The following LRRC45 variants were observed in gnomAD, a reference collection of about 807,000 sequenced individuals.
The protein encoded by LRRC45 is leucine rich repeat containing 45.
Under a neutral mutation model 85.4 loss-of-function variants are expected in LRRC45, and 73 were observed. That is an observed-to-expected ratio of 0.85 (90% CI 0.71 to 1.04). The LOEUF (loss-of-function observed/expected upper bound fraction) is 1.04. Among genes scored for constraint, LRRC45 ranks in the 50% least tolerant of loss-of-function variants. The probability of loss-of-function intolerance (pLI) is 0.00; values close to 1 mark genes in which losing one functional copy is unlikely to be tolerated. For missense variants in LRRC45, 937 were observed against 883.3 expected (o/e 1.06, Z -0.77); for synonymous variants, 429 against 386.0 (o/e 1.11, Z -1.31).
In LRRC45 at chr17:82,028,064, TG is replaced by T; in HGVS notation, c.970del (p.Glu324SerfsTer11). On this transcript the variant is annotated frameshift_variant, in exon 9 of 17. Transcript: ENST00000306688. LOFTEE classifies it high-confidence loss of function. ...LALSEQKAQD[L>X]GELLATAEQE... Reference sequence around the variant, plus strand: ...CTGTCGGAGCAGAAGGCCCAGGACCTGGGGGAGCTCCTGGCCACAGCGGAGC... The same window carrying T: ...CTGTCGGAGCAGAAGGCCCAGGACCTGGGGAGCTCCTGGCCACAGCGGAGC... The T allele has an allele frequency of 6.2e-7, 1 of 1,601,892 alleles. No homozygotes were observed. The highest frequency in any genetic ancestry group is 8.5e-7 in the Non-Finnish European group (1 of 1,175,924).
Position 82,030,624 on chromosome 17 carries a change from A to G in LRRC45, c.1832A>G (p.His611Arg). ...ERQLKVMASD[H>R]REALLDRESE... ...TGCCCTGCAGTGATGGCGAGCGACC[A>G]CCGAGAGGCGCTGCTGGACAGGGAG... The change falls in exon 17 of 17, where the codon CAC becomes CGC. Residue 611 changes from histidine (H) to arginine (R), a missense_variant. His to Arg is a conservative substitution (Grantham distance 29). Coordinates refer to ENST00000306688, the MANE Select transcript of LRRC45 (RefSeq NM_144999.4). 1 of 1,400,342 alleles carries G rather than the reference A, an allele frequency of 7.1e-7. No homozygotes were observed. The highest frequency in any genetic ancestry group is 9.3e-7 in the Non-Finnish European group (1 of 1,079,628). 86.7% of individuals were successfully genotyped at this position (1,400,342 alleles called of 1,614,324 possible).
chr17:82,025,406 TG>T lies in LRRC45; in HGVS notation c.566del (p.Gly189AlafsTer5). The T allele has an allele frequency of 1.3e-6, 2 of 1,597,130 alleles. No homozygotes were observed. The highest frequency in any genetic ancestry group is 1.7e-6 in the Non-Finnish European group (2 of 1,171,338). On this transcript the variant is annotated frameshift_variant, in exon 5 of 17. Coordinates refer to ENST00000306688, the MANE Select transcript of LRRC45 (RefSeq NM_144999.4). LOFTEE classifies it high-confidence loss of function. ...CTGCGCTGGAATAACGTTGGCCTCC[TG>T]GGGGGCCGGGCCCTCATGAACTGTC... ...LDLRWNNVGLLGGRALMNCLP... is the reference protein window; with the variant it reads ...LDLRWNNVGLXGGRALMNCLP...
rs146461368 is a variant in LRRC45, at chr17:82,026,893, C to G, written c.662-6C>G. 34 of 1,597,760 alleles carry G rather than the reference C, an allele frequency of 2.1e-5. No individual in the cohort carries two copies. In the East Asian group the frequency reaches 7.4e-4, roughly 35 times the overall value. On this transcript the variant is annotated splice_polypyrimidine_tract_variant and splice_region_variant and intron_variant, in intron 5 of 16. Coordinates refer to ENST00000306688, the MANE Select transcript of LRRC45 (RefSeq NM_144999.4). ...CTGTGCCCAGCTGACACAGCTCCTT[C>G]TGCAGAGCAAGCCATGGGCCACAGC...
chr17:82,024,019 G>A, intron 1 of LRRC45, 156 bp downstream of exon 1: 2 of 747,082 alleles, frequency 2.7e-6, no homozygotes, highest in Admixed American at 2.8e-5. Context: ...GTAGAGGGCA[G>A]TTCCTCTGTA....
rs954064759 is a variant in LRRC45 at position 82,023,752 on chromosome 17, C to T, written c.109C>T (p.Leu37=). ...CCAGCTTCCCAGGGGCCGGCTGGACCTGGCCACGCAAAGCCTGACGGTGGA... is the reference window on the plus strand; with the variant it reads ...CCAGCTTCCCAGGGGCCGGCTGGACTTGGCCACGCAAAGCCTGACGGTGGA... ...LHQLPRGRLD[L]ATQSLTVETC... Residue 37 remains leucine (L), a synonymous_variant, in exon 1 of 17, where the codon CTG becomes TTG. Coordinates refer to ENST00000306688, the MANE Select transcript of LRRC45 (RefSeq NM_144999.4). 1 of 1,555,658 alleles carries T rather than the reference C, an allele frequency of 6.4e-7. No homozygotes were observed. The highest frequency in any genetic ancestry group is 1.4e-5 in the African/African-American group (1 of 73,956).
intron 13 of LRRC45, 119 bp from the exon 14 acceptor site, chr17:82,029,423 TG>T: frequency 8.6e-7 from 1 of 1,161,540 alleles, no homozygotes; most frequent in Non-Finnish European, 1.2e-6. Flanking sequence ...AGCAGCTGCG[TG>T]GCCCTCAGGA....
At chr17:82,029,937 C>T (rs2043402807) in intron 14 of LRRC45, 128 bp from the exon 15 acceptor site, 5 of 1,207,922 alleles carry the variant, frequency 4.1e-6, no homozygotes, top group Non-Finnish European at 5.6e-6. Flanking sequence ...GCCAGGGGAG[C>T]GGGTTCAGAG....
At chr17:82,024,480 C>A in intron 2 of LRRC45, 141 bp downstream of exon 2, 1 of 1,069,570 alleles carries the variant, frequency 9.3e-7, no homozygotes, top group East Asian at 2.5e-5. Flanking sequence ...TCTCTGATGG[C>A]CTCCTGTGTG....
chr17:82,030,553 G>C, intron 16 of LRRC45, 56 bp from the exon 17 acceptor site: 3 of 1,484,030 alleles, frequency 2.0e-6, no homozygotes, highest in Non-Finnish European at 1.8e-6. Flanking sequence ...CCCGTGCTGA[G>C]GCCGTGCCAC....
rs552861630 is a variant in LRRC45, at chr17:82,029,038, G to T, written c.1309-55G>T. 7.1e-5 allele frequency: 109 copies of T among 1,524,900 alleles called. No individual in the cohort carries two copies. The East Asian group carries it at 2.5e-3, about 35-fold the overall frequency. 94.5% of individuals were successfully genotyped at this position (1,524,900 alleles called of 1,614,324 possible). On this transcript the variant is annotated intron_variant, in intron 12 of 16. Transcript: ENST00000306688. ...TTTCAGGGTGGGGAGTCCGTGAGGA[G>T]AAGGTAGGGAGGCCCGCTCTCCACT...
In LRRC45 at chr17:82,028,389, G is replaced by A. The variant is rs2043387397; in HGVS notation, c.1126-8G>A. 6.2e-7 allele frequency: 1 copy of A among 1,612,076 alleles called. No individual in the cohort carries two copies. The highest frequency in any genetic ancestry group is 8.5e-7 in the Non-Finnish European group (1 of 1,179,808). On this transcript the variant is annotated splice_region_variant and splice_polypyrimidine_tract_variant and intron_variant, in intron 10 of 16. Coordinates refer to ENST00000306688, the MANE Select transcript of LRRC45 (RefSeq NM_144999.4). ...GCTGCAGCTTCCCTCCCTGGTGCCGGCTTTCAGGTAGACGAGTTGGAGCGG... is the reference window on the plus strand; with the variant it reads ...GCTGCAGCTTCCCTCCCTGGTGCCGACTTTCAGGTAGACGAGTTGGAGCGG...
Position 82,030,810 on chromosome 17 carries a change from G to A in LRRC45, c.*5G>A, listed in dbSNP as rs749563794. 4.5e-6 allele frequency: 6 copies of A among 1,341,730 alleles called. No individual in the cohort carries two copies. The highest frequency in any genetic ancestry group is 5.8e-6 in the Non-Finnish European group (6 of 1,032,978). The allele number at this position is 1,341,730 out of a possible 1,614,324, so 83.1% of individuals were successfully genotyped here. ...ACCCTGAGCCCCCCAAAGTGAGACA[G>A]GCCGGGAGGACCCGGGCGCAGTAGG... is the stretch of plus-strand genomic sequence containing the variant. On this transcript the variant is annotated 3_prime_UTR_variant, in exon 17 of 17. Coordinates refer to ENST00000306688, the MANE Select transcript of LRRC45 (RefSeq NM_144999.4).
Position 82,028,517 on chromosome 17 carries a change from G to A in LRRC45, c.1237+9G>A, listed in dbSNP as rs772265130. The A allele has an allele frequency of 8.1e-6, 13 of 1,612,086 alleles. No homozygotes were observed. Among genetic ancestry groups the A allele is most frequent in the East Asian group, 2.2e-5 (1 of 44,860 alleles). On this transcript the variant is annotated intron_variant, in intron 11 of 16. Coordinates refer to ENST00000306688, the MANE Select transcript of LRRC45 (RefSeq NM_144999.4). The stretch of plus-strand genomic sequence containing the variant: ...GGCCATCCAGGCCGAGGGTGGGCAC[G>A]GGCAGGCCTGCTGTGGAGGGGCCTG...
At chr17:82,029,920 G>T in intron 14 of LRRC45, 145 bp from the exon 15 acceptor site, 1 of 1,034,750 alleles carries the variant, frequency 9.7e-7, no homozygotes, top group Non-Finnish European at 1.4e-6. Context: ...ATCTGGAGGA[G>T]GTGGCTGCCA....
chr17:82,026,564 T>TTGTGTGTGTGTGTGTGTG lies in LRRC45; in HGVS notation c.662-316_662-299dup, dbSNP rs550616399. The stretch of plus-strand genomic sequence containing the variant: ...GCAGCCCCGGGGTGACACAGCTCCT[T>TTGTGTGTGTGTGTGTGTG]TGTGTGTGTGTGTGTGTGTGTGTGT... On this transcript the variant is annotated intron_variant, in intron 5 of 16. Coordinates refer to ENST00000306688, the MANE Select transcript of LRRC45 (RefSeq NM_144999.4). Among the ~76,000 whole-genome samples the TTGTGTGTGTGTGTGTGTG allele has an allele frequency of 1.0e-3, 137 of 137,570 alleles. 1 individual carries two copies. Among genetic ancestry groups the TTGTGTGTGTGTGTGTGTG allele is most frequent in the East Asian group, 4.5e-3 (21 of 4,616 alleles). 90.3% of individuals were successfully genotyped at this position (137,570 alleles called of 152,430 possible). A position where few individuals can be genotyped will look rare whatever the true frequency, so the allele number is the denominator to read the frequency against.
intron 12 of LRRC45, 31 bp downstream of exon 12, chr17:82,028,714 C>T: frequency 1.3e-6 from 2 of 1,592,124 alleles, no homozygotes. Context: ...TAATGCGCCT[C>T]AGTCTCTGGT....
At chr17:82,028,371 C>G (rs369464190) in intron 10 of LRRC45, 26 bp from the exon 11 acceptor site, 102 of 1,610,656 alleles carry the variant, frequency 6.3e-5, no homozygotes, top group African/African-American at 1.2e-4. Context: ...TGGGCTGCAG[C>G]TTCCCTCCCT....
rs574296601 is a variant in LRRC45 at position 82,028,695 on chromosome 17, G to A, written c.1308+12G>A. 1.1e-5 allele frequency: 17 copies of A among 1,608,294 alleles called. No individual in the cohort carries two copies. The highest frequency in any genetic ancestry group is 3.3e-5 in the South Asian group (3 of 90,254). The stretch of plus-strand genomic sequence containing the variant: ...TGCGCATCAAGGAGGTGCCCTCTTC[G>A]TTGGCCTCTAATGCGCCTCAGTCTC... On this transcript the variant is annotated intron_variant, in intron 12 of 16. Coordinates refer to ENST00000306688, the MANE Select transcript of LRRC45 (RefSeq NM_144999.4).
rs1020434708 is a variant in LRRC45, at chr17:82,023,630, C to T, written c.-14C>T. On this transcript the variant is annotated 5_prime_UTR_variant, in exon 1 of 17. Transcript: ENST00000306688. ...CGGGAGCATGCGGAGGAGGCCCTGC[C>T]GGCCCCGCGGGTCATGGAGGAGTTC... 15 of 1,517,260 alleles carry T rather than the reference C, an allele frequency of 9.9e-6. No homozygotes were observed. The highest frequency in any genetic ancestry group is 1.3e-5 in the Non-Finnish European group (15 of 1,135,414). The allele number at this position is 1,517,260 out of a possible 1,614,324, so 94.0% of individuals were successfully genotyped here.
Sources: gnomAD v4.1 joint callset for allele counts (sites outside exome capture counted in the v4.1 genomes callset) on GRCh38, gnomAD v4.1.1 for gene constraint, MANE v1.5 for transcripts, NCBI Gene and HGNC (gene_info 2026-07-23, HGNC 2026-07-21) for gene names.